KLHDC4: variants seen among roughly 807,000 people sequenced by gnomAD.
KLHDC4 encodes the protein kelch domain-containing protein 4.
Under a neutral mutation model 62.4 loss-of-function variants are expected in KLHDC4, and 90 were observed. The ratio of observed to expected loss-of-function variants is 1.44; its 90% confidence interval spans 1.22 to 1.72. KLHDC4 has a LOEUF of 1.72. Ranked by LOEUF, KLHDC4 falls within the 40% of genes most tolerant of loss-of-function variation. The pLI, the probability that KLHDC4 is intolerant of heterozygous loss-of-function variation, is 0.00. For synonymous variants in KLHDC4, 386 were observed against 284.4 expected, an observed-to-expected ratio of 1.36 and a Z score of -3.59; for missense variants, 1,025 against 699.7, an observed-to-expected ratio of 1.47 and a Z score of -5.25.
chr16:87,699,751 C>G (rs921193207), exon 1 of KLHDC4: 2 of 152,280 alleles, frequency 1.3e-5, no homozygotes, highest in Non-Finnish European at 2.9e-5. Context: ...TCACTCAGCT[C>G]GCTCCCCTGT....
chr16:87,758,069 C>T (rs745810193), intron 2 of KLHDC4, among the ~76,000 whole-genome samples: 3 of 152,156 alleles, frequency 2.0e-5, no homozygotes, highest in Non-Finnish European at 2.9e-5. Flanking sequence ...AAAGGAAAAA[C>T]AGGTTTCAAG....
chr16:87,726,940 G>C lies in KLHDC4; in HGVS notation c.600-16C>G, dbSNP rs79105902. ...GATGTAATCCCTGGTTAGAAGAACA[G>C]CAGCTGTCAGGGTCCGTAACATTGG... On this transcript the variant is annotated splice_polypyrimidine_tract_variant and intron_variant, in intron 6 of 11. Transcript: ENST00000270583. The C allele has an allele frequency of 6.9e-3, 11,067 of 1,613,068 alleles. 664 individuals carry two copies. In the African/African-American group the frequency reaches 0.13, roughly 19 times the overall value.
At chr16:87,701,655 G>A (rs746861092) in exon 1 of KLHDC4, 13 of 454,592 alleles carry the variant, frequency 2.9e-5, no homozygotes, top group African/African-American at 1.4e-4. Context: ...CCACTCGTCC[G>A]CCTCGTCCAC....
intron 4 of KLHDC4, among the ~76,000 whole-genome samples, chr16:87,749,553 C>CAA (rs74585020): frequency 0.087 from 6,588 of 75,704 alleles, 277 homozygotes; most frequent in East Asian, 0.18. Context: ...GACTCCATGT[C>CAA]AAAAAAAAAA....
At chr16:87,733,315 C>G (rs1204076746) in intron 5 of KLHDC4, among the ~76,000 whole-genome samples, 1 of 152,244 alleles carries the variant, frequency 6.6e-6, no homozygotes, top group Admixed American at 6.5e-5. Flanking sequence ...AGCAACAAAA[C>G]AGACAGGGGT....
chr16:87,732,822 G>T (rs548421794), intron 5 of KLHDC4, among the ~76,000 whole-genome samples: 5 of 151,792 alleles, frequency 3.3e-5, no homozygotes, highest in Non-Finnish European at 7.4e-5. Context: ...CAGGTGAAAA[G>T]GCAGGTGCAA....
chr16:87,734,093 C>A (rs534382016), intron 5 of KLHDC4, among the ~76,000 whole-genome samples: 6 of 152,292 alleles, frequency 3.9e-5, no homozygotes, highest in African/African-American at 1.4e-4. Context: ...CGCCTGTCAT[C>A]CCCAGCACTT....
chr16:87,712,158 A>G (rs565539129), intron 8 of KLHDC4, among the ~76,000 whole-genome samples: 3 of 152,246 alleles, frequency 2.0e-5, no homozygotes, highest in Non-Finnish European at 2.9e-5. Context: ...GGAAGGGTCT[A>G]TGTTCTCTCT....
exon 1 of KLHDC4, chr16:87,700,789 T>C (rs1597319291): frequency 1.7e-5 from 2 of 118,698 alleles, no homozygotes; most frequent in Non-Finnish European, 3.0e-5. Context: ...GGGAGGAGGT[T>C]GGAGGGCAGA....
At chr16:87,709,974 A>C in intron 9 of KLHDC4, 1 of 376,696 alleles carries the variant, frequency 2.7e-6, no homozygotes, top group Non-Finnish European at 4.8e-6. Context: ...GACCCCACAC[A>C]CAGGGCACCA....
chr16:87,756,371 GAAGAA>G lies in KLHDC4; in HGVS notation c.270+23_270+27del, dbSNP rs760094347. On this transcript the variant is annotated intron_variant, in intron 3 of 11. Transcript: ENST00000270583. ...GTCAAATGATACTCACGCAACATGG[GAAGAA>G]AAGAAAAAAATATATACTTTACTTT... 27 of 1,525,846 alleles carry G rather than the reference GAAGAA, an allele frequency of 1.8e-5. No homozygotes were observed. The African/African-American group carries it at 3.1e-4, about 18-fold the overall frequency. 94.5% of individuals were successfully genotyped at this position (1,525,846 alleles called of 1,614,324 possible).
intron 5 of KLHDC4, among the ~76,000 whole-genome samples, chr16:87,738,858 A>C (rs2041808712): frequency 1.5e-5 from 1 of 65,588 alleles, no homozygotes; most frequent in Admixed American, 1.5e-4. Context: ...TCCACACACC[A>C]GCACCTCATC....
intron 1 of KLHDC4, among the ~76,000 whole-genome samples, chr16:87,762,470 C>A (rs146528790): frequency 3.6e-4 from 55 of 152,380 alleles, no homozygotes; most frequent in African/African-American, 1.1e-3. Flanking sequence ...ACCCTCAGCA[C>A]CTCTCAGAGC....
intron 4 of KLHDC4, among the ~76,000 whole-genome samples, chr16:87,751,610 A>T (rs2043954370): frequency 6.6e-6 from 1 of 152,164 alleles, no homozygotes; most frequent in African/African-American, 2.4e-5. Context: ...TTTACACCTT[A>T]CATAATCAGT....
At chr16:87,711,507 GACA>G in intron 8 of KLHDC4, 64 bp from the exon 9 acceptor site, 1 of 1,428,548 alleles carries the variant, frequency 7.0e-7, no homozygotes. Flanking sequence ...GCCAGCCCAG[GACA>G]CGCTCAGGAC....
At chr16:87,727,069 C>T in intron 6 of KLHDC4, 145 bp from the exon 7 acceptor site, 1 of 816,678 alleles carries the variant, frequency 1.2e-6, no homozygotes, top group South Asian at 1.8e-5. Context: ...CTTACACCAA[C>T]ACAACAATCA....
exon 1 of KLHDC4, chr16:87,700,166 G>A (rs772278289): frequency 6.5e-6 from 1 of 152,720 alleles, no homozygotes; most frequent in African/African-American, 2.4e-5. Flanking sequence ...GGAGACAGCG[G>A]AAGGACCGTC....
exon 1 of KLHDC4, chr16:87,702,456 C>T (rs1222169057): frequency 2.2e-5 from 8 of 362,766 alleles, no homozygotes; most frequent in Non-Finnish European, 4.4e-5. Flanking sequence ...CTGGGGAGCC[C>T]GCGTCCCCAA....
intron 7 of KLHDC4, among the ~76,000 whole-genome samples, chr16:87,715,652 G>A (rs545115802): frequency 6.6e-6 from 1 of 152,150 alleles, no homozygotes; most frequent in Admixed American, 6.5e-5. Context: ...TTTCTCATTA[G>A]ACTGGGGTTA....
Sources: gnomAD v4.1 joint callset for allele counts (sites outside exome capture counted in the v4.1 genomes callset) on GRCh38, gnomAD v4.1.1 for gene constraint, MANE v1.5 for transcripts, NCBI Gene and HGNC (gene_info 2026-07-23, HGNC 2026-07-21) for gene names.